The following RAD51B variants were observed in gnomAD, a reference collection of about 807,000 sequenced individuals.
RAD51B encodes RAD51 paralog B.
Under a neutral mutation model 42.2 loss-of-function variants are expected in RAD51B, and 38 were observed. That is an observed-to-expected ratio of 0.90 (90% CI 0.70 to 1.18). The LOEUF (loss-of-function observed/expected upper bound fraction) is 1.18, where lower values mean the gene tolerates loss of function less well. Among genes scored for constraint, RAD51B ranks in the 50% most tolerant of loss-of-function variants. RAD51B has a pLI of 0.00. For missense variants in RAD51B, 373 were observed against 400.7 expected (o/e 0.93, Z 0.59); for synonymous variants, 154 against 145.2 (o/e 1.06, Z -0.43).
chr14:68,344,930 G>A (rs914977031), intron 8 of RAD51B, among the ~76,000 whole-genome samples: 5 of 129,604 alleles, frequency 3.9e-5, no homozygotes, highest in African/African-American at 1.1e-4. Flanking sequence ...CTGGGCAACA[G>A]TGTAAGACTC....
At chr14:68,298,440 C>T (rs942597273) in intron 8 of RAD51B, among the ~76,000 whole-genome samples, 1 of 152,180 alleles carries the variant, frequency 6.6e-6, no homozygotes, top group African/African-American at 2.4e-5. Context: ...GCACAAGATG[C>T]ATTACAATCA....
chr14:68,508,106 T>C (rs1427716326), intron 10 of RAD51B, among the ~76,000 whole-genome samples: 1 of 152,152 alleles, frequency 6.6e-6, no homozygotes, highest in Non-Finnish European at 1.5e-5. Flanking sequence ...GTCTCCATGA[T>C]GAGGGGACCC....
chr14:68,309,459 GAAGA>G (rs2081928490), intron 8 of RAD51B, among the ~76,000 whole-genome samples: 1 of 152,160 alleles, frequency 6.6e-6, no homozygotes, highest in Non-Finnish European at 1.5e-5. Flanking sequence ...TTCAGGTAGA[GAAGA>G]AAGAAAAATC....
intron 10 of RAD51B, among the ~76,000 whole-genome samples, chr14:68,513,715 C>G (rs1164218683): frequency 6.6e-6 from 1 of 152,250 alleles, no homozygotes; most frequent in Non-Finnish European, 1.5e-5. Flanking sequence ...CCCCACAACA[C>G]AACCCTCACC....
At chr14:68,423,043 T>C (rs906647335) in intron 9 of RAD51B, among the ~76,000 whole-genome samples, 1 of 152,112 alleles carries the variant, frequency 6.6e-6, no homozygotes, top group Non-Finnish European at 1.5e-5. Flanking sequence ...AGACTGTGTG[T>C]GCTTGACTGT....
At chr14:68,370,754 T>C (rs914511612) in intron 8 of RAD51B, among the ~76,000 whole-genome samples, 1 of 151,950 alleles carries the variant, frequency 6.6e-6, no homozygotes, top group African/African-American at 2.4e-5. Flanking sequence ...TTTTAAAAAA[T>C]GAAGAATTGG....
chr14:68,272,651 A>ATTTTTTTTTTTT (rs2081132958), intron 7 of RAD51B, among the ~76,000 whole-genome samples: 1 of 13,716 alleles, frequency 7.3e-5, no homozygotes, highest in Non-Finnish European at 1.3e-4. Context: ...ATATATATAT[A>ATTTTTTTTTTTT]TATATATATA....
rs1318931235 is a variant in RAD51B at position 68,447,585 on chromosome 14, C to T, written c.958-20587C>T. On this transcript the variant is annotated intron_variant, in intron 9 of 10. Coordinates refer to ENST00000471583, the MANE Select transcript of RAD51B (RefSeq NM_133510.4). ...TGAAGAGTAAGTTAAAAAATATTAA[C>T]TAAAAAGCATTAAACTTACAATAAA... Among the ~76,000 whole-genome samples the T allele has an allele frequency of 7.9e-5, 12 of 151,168 alleles. No individual in the cohort carries two copies. The East Asian group carries it at 2.3e-3, about 30-fold the overall frequency.
intron 7 of RAD51B, among the ~76,000 whole-genome samples, chr14:68,069,032 T>C (rs2076698927): frequency 6.6e-6 from 1 of 152,208 alleles, no homozygotes; most frequent in African/African-American, 2.4e-5. Flanking sequence ...TTTTCTAAGA[T>C]TCTTACACTA....
chr14:68,616,564 G>T (rs1180763966), downstream of RAD51B, among the ~76,000 whole-genome samples: 1 of 152,048 alleles, frequency 6.6e-6, no homozygotes, highest in Non-Finnish European at 1.5e-5. Context: ...TGGTATGATG[G>T]TGTGATTTCC....
At chr14:68,496,791 G>A (rs1187338844) in intron 10 of RAD51B, among the ~76,000 whole-genome samples, 2 of 152,212 alleles carry the variant, frequency 1.3e-5, no homozygotes, top group African/African-American at 4.8e-5. Flanking sequence ...CCACCCTCAT[G>A]AATGACTTCA....
At chr14:67,823,488 T>C (rs1051168739) in intron 1 of RAD51B, 54 bp from the exon 2 acceptor site, 4 of 1,482,316 alleles carry the variant, frequency 2.7e-6, no homozygotes, top group East Asian at 4.5e-5. Context: ...CTATCACTTA[T>C]GTTATATTCT....
rs867711963 is a variant in RAD51B at position 68,090,932 on chromosome 14, A to G, written c.757-200952A>G. 3.8e-3 allele frequency among the ~76,000 whole-genome samples: 520 copies of G among 136,252 alleles called. 1 individual carries two copies. The highest frequency in any genetic ancestry group is 0.014 in the African/African-American group (501 of 36,156). 89.4% of individuals were successfully genotyped at this position (136,252 alleles called of 152,430 possible). A position where few individuals can be genotyped will look rare whatever the true frequency, so the allele number is the denominator to read the frequency against. On this transcript the variant is annotated intron_variant, in intron 7 of 10. Coordinates refer to ENST00000471583, the MANE Select transcript of RAD51B (RefSeq NM_133510.4). ...TGTTCTCATTGTTCAATTCCCACCTATGAGTGAGAACATGCGGTGTTTGGT... is the reference window on the plus strand; with the variant it reads ...TGTTCTCATTGTTCAATTCCCACCTGTGAGTGAGAACATGCGGTGTTTGGT...
intron 10 of RAD51B, among the ~76,000 whole-genome samples, chr14:68,516,075 A>G (rs1490665356): frequency 2.6e-5 from 4 of 152,048 alleles, no homozygotes; most frequent in Non-Finnish European, 5.9e-5. Context: ...GTGAGCCACC[A>G]CGCCCTGCCC....
rs1196662855 is a variant in RAD51B at position 67,940,466 on chromosome 14, G to A, written c.756+53262G>A. Among the ~76,000 whole-genome samples the A allele has an allele frequency of 5.9e-5, 9 of 152,138 alleles. No individual in the cohort carries two copies. In the East Asian group the frequency reaches 1.5e-3, roughly 26 times the overall value. On this transcript the variant is annotated intron_variant, in intron 7 of 10. Transcript: ENST00000471583. ...ACCCAGCTAGCCAAACTATCTCTCTGTTGTCTTTCCACTTTATCCATCTAT... is the reference window on the plus strand; with the variant it reads ...ACCCAGCTAGCCAAACTATCTCTCTATTGTCTTTCCACTTTATCCATCTAT...
chr14:68,262,680 G>A (rs1305133187), intron 7 of RAD51B, among the ~76,000 whole-genome samples: 4 of 152,074 alleles, frequency 2.6e-5, no homozygotes, highest in South Asian at 2.1e-4. Flanking sequence ...ATGAAGCCTG[G>A]CATTTGTGAA....
At chr14:68,395,747 A>T (rs770962537) in intron 8 of RAD51B, among the ~76,000 whole-genome samples, 7 of 152,332 alleles carry the variant, frequency 4.6e-5, no homozygotes, top group Middle Eastern at 3.4e-3. Context: ...TAGATGAAGC[A>T]ATCATCCTGA....
At chr14:68,522,400 CT>C (rs1231799828) in intron 10 of RAD51B, among the ~76,000 whole-genome samples, 3 of 152,154 alleles carry the variant, frequency 2.0e-5, no homozygotes, top group African/African-American at 7.2e-5. Context: ...CAGGCCAAAT[CT>C]CTTGGGCAGA....
chr14:68,200,097 A>G (rs1361767369), intron 7 of RAD51B, among the ~76,000 whole-genome samples: 1 of 152,218 alleles, frequency 6.6e-6, no homozygotes, highest in African/African-American at 2.4e-5. Context: ...TGACAGCAGC[A>G]GAGGAATTCA....
Sources: allele counts gnomAD v4.1 joint callset (sites outside exome capture counted in the v4.1 genomes callset), GRCh38; gene constraint gnomAD v4.1.1; transcripts MANE v1.5; gene names NCBI Gene and HGNC (gene_info 2026-07-23, HGNC 2026-07-21).